TSPAN9: variants seen among roughly 807,000 people sequenced by gnomAD.
TSPAN9 encodes the protein tetraspanin-9.
TSPAN9 carries 16 observed loss-of-function variants against 31.0 expected under a neutral mutation model. The observed-to-expected ratio is 0.52, with a 90% CI of 0.35 to 0.78. The LOEUF (loss-of-function observed/expected upper bound fraction) is 0.78. Among genes scored for constraint, TSPAN9 ranks in the 30% least tolerant of loss-of-function variants. The pLI, the probability that TSPAN9 is intolerant of heterozygous loss-of-function variation, is 0.01. For synonymous variants in TSPAN9, 145 were observed against 121.6 expected, an observed-to-expected ratio of 1.19 and a Z score of -1.27; for missense variants, 272 against 312.5, an observed-to-expected ratio of 0.87 and a Z score of 0.98.
intron 3 of TSPAN9, among the ~76,000 whole-genome samples, chr12:3,209,437 A>G (rs946028092): frequency 3.3e-5 from 5 of 152,144 alleles, no homozygotes; most frequent in Admixed American, 2.6e-4. Context: ...ACATTCTCGT[A>G]TAAGTCTTCT....
intron 3 of TSPAN9, chr12:3,211,943 A>G (rs17779041): frequency 0.58 from 715,112 of 1,236,214 alleles, 208,300 homozygotes; most frequent in Admixed American, 0.65. Flanking sequence ...GGTCGTCACC[A>G]CCGGAAAGCA....
intron 3 of TSPAN9, among the ~76,000 whole-genome samples, chr12:3,239,476 T>A (rs2098395458): frequency 6.6e-6 from 1 of 152,210 alleles, no homozygotes; most frequent in Non-Finnish European, 1.5e-5. Flanking sequence ...GTATTCCCAT[T>A]TCCTCAAGAC....
rs1428492240 is a variant in TSPAN9, at chr12:3,147,175, G to T, written c.-17-54002G>T. 6.6e-6 allele frequency among the ~76,000 whole-genome samples: 1 copy of T among 152,120 alleles called. No individual in the cohort carries two copies. The highest frequency in any genetic ancestry group is 1.5e-5 in the Non-Finnish European group (1 of 68,010). On this transcript the variant is annotated intron_variant, in intron 2 of 8. Coordinates refer to ENST00000011898, the MANE Select transcript of TSPAN9 (RefSeq NM_006675.5). The surrounding 1 kb of genome is among the most constrained non-coding windows in gnomAD (Gnocchi z 4.3). ...TAGGGTGGAGACTGGAAGCAGGGGA[G>T]CCCTGGCCCTCTGCAGGTCACGCTC...
At chr12:3,198,618 C>T (rs1368459674) in intron 2 of TSPAN9, among the ~76,000 whole-genome samples, 1 of 104,298 alleles carries the variant, frequency 9.6e-6, no homozygotes. Context: ...CAGGTCACCA[C>T]CAGCACAGGC....
At chr12:3,197,603 C>A (rs1389049426) in intron 2 of TSPAN9, among the ~76,000 whole-genome samples, 1 of 152,118 alleles carries the variant, frequency 6.6e-6, no homozygotes, top group African/African-American at 2.4e-5. Flanking sequence ...GGAGAGCTCT[C>A]ACCTCTAGGA....
chr12:3,138,937 C>T (rs1345169586), intron 2 of TSPAN9, among the ~76,000 whole-genome samples: 1 of 152,170 alleles, frequency 6.6e-6, no homozygotes, highest in Admixed American at 6.5e-5. Flanking sequence ...TGTTCTTCTC[C>T]AGGCAGGCGG....
At chr12:3,268,514 C>G (rs866920869) in intron 3 of TSPAN9, among the ~76,000 whole-genome samples, 18 of 63,600 alleles carry the variant, frequency 2.8e-4, no homozygotes, top group South Asian at 1.4e-3. Flanking sequence ...CCTGCCCTCT[C>G]TGTGTTCCTG....
At chr12:3,255,379 A>G (rs553137898) in intron 3 of TSPAN9, among the ~76,000 whole-genome samples, 5 of 152,324 alleles carry the variant, frequency 3.3e-5, no homozygotes, top group African/African-American at 1.2e-4. Flanking sequence ...GGCTCTGCCC[A>G]CGGCCACATC....
chr12:3,110,160 T>A (rs2098317735), intron 2 of TSPAN9, among the ~76,000 whole-genome samples: 1 of 151,730 alleles, frequency 6.6e-6, no homozygotes, highest in Admixed American at 6.6e-5. Flanking sequence ...AAGCAGGAGG[T>A]CCTTAGTCTG....
At chr12:3,183,573 A>G (rs893626156) in intron 2 of TSPAN9, among the ~76,000 whole-genome samples, 4 of 152,178 alleles carry the variant, frequency 2.6e-5, no homozygotes, top group Non-Finnish European at 5.9e-5. Flanking sequence ...AGGGGCTCTC[A>G]GGGTTGAACA....
chr12:3,148,233 G>A, intron 2 of TSPAN9, among the ~76,000 whole-genome samples: 1 of 152,154 alleles, frequency 6.6e-6, no homozygotes, highest in East Asian at 1.9e-4. Context: ...TCATACATTG[G>A]ACCAGAATCT....
At chr12:3,210,568 G>A (rs114192547) in intron 3 of TSPAN9, among the ~76,000 whole-genome samples, 1,969 of 152,202 alleles carry the variant, frequency 0.013, 47 homozygotes, top group African/African-American at 0.045. Context: ...TTAATTAAAT[G>A]TATTGCAAAC....
At position 3,275,300 on chromosome 12, in the gene TSPAN9, C is replaced by CT. The variant is rs549673747; in HGVS notation, c.64-3117dup. ...TCAGGAGAAGGCTGTGCTTTGAGAA[C>CT]TTTTCCAGGCCCGAGAAGGGTCCGG... On this transcript the variant is annotated intron_variant, in intron 3 of 8. Coordinates refer to ENST00000011898, the MANE Select transcript of TSPAN9 (RefSeq NM_006675.5). 2.7e-3 allele frequency among the ~76,000 whole-genome samples: 414 copies of CT among 152,298 alleles called. 4 individuals carry two copies. The highest frequency in any genetic ancestry group is 5.6e-3 in the South Asian group (27 of 4,822).
intron 3 of TSPAN9, among the ~76,000 whole-genome samples, chr12:3,209,544 G>A (rs954330901): frequency 3.9e-5 from 6 of 152,196 alleles, no homozygotes; most frequent in Non-Finnish European, 5.9e-5. Context: ...AGGTGGTCCT[G>A]CTGCATGTGA....
intron 3 of TSPAN9, among the ~76,000 whole-genome samples, chr12:3,275,887 C>T (rs773990269): frequency 2.0e-5 from 3 of 152,250 alleles, no homozygotes; most frequent in Non-Finnish European, 2.9e-5. Context: ...GTGTCTGTTC[C>T]TACCTTTTTC....
chr12:3,175,562 C>T (rs886643430), intron 2 of TSPAN9, among the ~76,000 whole-genome samples: 2 of 152,232 alleles, frequency 1.3e-5, no homozygotes, highest in South Asian at 2.1e-4. Flanking sequence ...CAGCCTCTCT[C>T]GCTGTGCTCA....
chr12:3,098,346 G>C (rs911101066), intron 2 of TSPAN9, among the ~76,000 whole-genome samples: 1 of 152,298 alleles, frequency 6.6e-6, no homozygotes, highest in East Asian at 1.9e-4. Flanking sequence ...TCTCAGCTGG[G>C]TTGTTCCCAT....
intron 2 of TSPAN9, among the ~76,000 whole-genome samples, chr12:3,109,299 T>TGTGTGTGTGTGTGTGAGAGAGA (rs1274383200): frequency 8.5e-6 from 1 of 118,298 alleles, no homozygotes; most frequent in African/African-American, 4.6e-5. Context: ...TGTGTGTGTG[T>TGTGTGTGTGTGTGTGAGAGAGA]GAGAGAGAGT....
chr12:3,106,193 G>GT (rs1291462037), intron 2 of TSPAN9, among the ~76,000 whole-genome samples: 4 of 152,242 alleles, frequency 2.6e-5, no homozygotes, highest in African/African-American at 7.2e-5. Flanking sequence ...ACAGGGAGGT[G>GT]TTTGGGGGAC....
Sources: gnomAD v4.1 joint callset for allele counts (sites outside exome capture counted in the v4.1 genomes callset) on GRCh38, gnomAD v4.1.1 for gene constraint, Gnocchi (gnomAD v3.1) non-coding constraint, MANE v1.5 for transcripts, NCBI Gene and HGNC (gene_info 2026-07-23, HGNC 2026-07-21) for gene names.